The following SLU7 variants were observed in gnomAD, a reference collection of about 807,000 sequenced individuals.
SLU7 encodes the protein spliceosome associated SLU7.
A neutral mutation model predicts 87.0 loss-of-function variants in SLU7; 60 were observed. The observed-to-expected ratio is 0.69, with a 90% CI of 0.56 to 0.86. The LOEUF is 0.86. SLU7 is among the 40% of genes least tolerant of loss of function. The probability of loss-of-function intolerance (pLI) is 0.00; values close to 1 mark genes in which losing one functional copy is unlikely to be tolerated. For synonymous variants in SLU7, 197 were observed against 222.0 expected, an observed-to-expected ratio of 0.89 and a Z score of 1.00; for missense variants, 507 against 686.6, an observed-to-expected ratio of 0.74 and a Z score of 2.92.
chr5:160,403,617 T>C (rs1764879602), intron 15 of SLU7, among the ~76,000 whole-genome samples, 153 bp from the exon 16 acceptor site: 1 of 152,250 alleles, frequency 6.6e-6, no homozygotes, highest in African/African-American at 2.4e-5. Context: ...CCTTCTACTG[T>C]CAAGCTACAA....
At position 160,413,966 on chromosome 5, in the gene SLU7, G is replaced by A. The variant is rs1765349063; in HGVS notation, c.338C>T (p.Thr113Ile). ...KRGVKENSII[T>I]KYRKGACENC... ...TTCACATGCTCCTTTGCGGTACTTA[G>A]TAATTATGGAATTCTATAAATATAT... Residue 113 changes from threonine (T) to isoleucine (I), a missense_variant, in exon 4 of 16, where the codon ACT (threonine) becomes ATT (isoleucine). Thr to Ile is a moderately conservative substitution (Grantham distance 89). Transcript: ENST00000297151. The A allele has an allele frequency of 6.3e-7, 1 of 1,575,252 alleles. No homozygotes were observed. The highest frequency in any genetic ancestry group is 1.2e-5 in the South Asian group (1 of 83,512).
At chr5:160,412,056 G>C (rs138737786) in intron 6 of SLU7, among the ~76,000 whole-genome samples, 391 of 152,254 alleles carry the variant, frequency 2.6e-3, no homozygotes, top group African/African-American at 9.0e-3. Context: ...GAACTACACA[G>C]CATTACACCA....
At position 160,418,170 on chromosome 5, in the gene SLU7, CACA is replaced by C. The variant is rs1414886572; in HGVS notation, c.-17+850_-17+852del. 3.3e-5 allele frequency among the ~76,000 whole-genome samples: 5 copies of C among 152,302 alleles called. No individual in the cohort carries two copies. The Middle Eastern group carries it at 0.01, about 311-fold the overall frequency. ...GGCCTAAATATACTGCGAAGAGAAG[CACA>C]ACAACGGTAAATTTAATCTTTATTA... On this transcript the variant is annotated intron_variant, in intron 1 of 15. Transcript: ENST00000297151.
intron 6 of SLU7, among the ~76,000 whole-genome samples, chr5:160,410,264 A>G (rs1415526926): frequency 6.6e-6 from 1 of 152,146 alleles, no homozygotes; most frequent in Non-Finnish European, 1.5e-5. Context: ...TCCACTTAAT[A>G]TGTGTTACTT....
At position 160,403,360 on chromosome 5, in the gene SLU7, A is replaced by G. The variant is rs1251109062; in HGVS notation, c.1686T>C (p.Thr562=). Residue 562 remains threonine (T), a synonymous_variant, in exon 16 of 16, where the codon ACT becomes ACC. Coordinates refer to ENST00000297151, the MANE Select transcript of SLU7 (RefSeq NM_006425.5). ...TTCTATATGCCTCCATTTCCTCTTC[A>G]GTAGGTTCTCGAGTTTCATACATGC... ...YNSMYETREP[T]EEEMEAYRMK... 1 of 1,613,508 alleles carries G rather than the reference A, an allele frequency of 6.2e-7. No individual in the cohort carries two copies. The highest frequency in any genetic ancestry group is 8.5e-7 in the Non-Finnish European group (1 of 1,179,850).
Position 160,414,349 on chromosome 5 carries a change from A to G in SLU7, c.294T>C (p.Ser98=), listed in dbSNP as rs1286112630. The change falls in exon 3 of 16, where the codon TCT becomes TCC. Residue 98 remains serine, a synonymous_variant. Transcript: ENST00000297151. The part of the protein sequence containing the change: ...QPEKQKQFSS[S]GEWYKRGVKE... ...TTACACCCCTCTTGTACCATTCTCC[A>G]GATGAGCTGAACTGCTTTTGTTTTT... is the stretch of plus-strand genomic sequence containing the variant. 1 of 1,611,174 alleles carries G rather than the reference A, an allele frequency of 6.2e-7. No individual in the cohort carries two copies. Among genetic ancestry groups the G allele is most frequent in the East Asian group, 2.2e-5 (1 of 44,714 alleles).
chr5:160,413,778 T>C, intron 4 of SLU7, 121 bp downstream of exon 4: 1 of 945,046 alleles, frequency 1.1e-6, no homozygotes, highest in Non-Finnish European at 1.6e-6. Context: ...CCACTGAAAC[T>C]AATTTTTATT....
chr5:160,414,499 ATTTAAGGAT>A, intron 2 of SLU7, 27 bp from the exon 3 acceptor site: 2 of 1,368,564 alleles, frequency 1.5e-6, no homozygotes, highest in Non-Finnish European at 2.0e-6. Flanking sequence ...AAAAAAAAAA[ATTTAAGGAT>A]AAAATTGGAA....
Position 160,403,267 on chromosome 5 carries a change from T to C in SLU7, c.*18A>G, listed in dbSNP as rs201954751. 5.4e-4 allele frequency: 843 copies of C among 1,559,066 alleles called. 3 individuals are homozygous for C. The highest frequency in any genetic ancestry group is 6.8e-4 in the Non-Finnish European group (782 of 1,152,302). ...ATGTATCAGCTGCATCTATCTTGGA[T>C]GGTCTTCTGACTAGTTGCTACTGTC... On this transcript the variant is annotated 3_prime_UTR_variant, in exon 16 of 16. Coordinates refer to ENST00000297151, the MANE Select transcript of SLU7 (RefSeq NM_006425.5).
At chr5:160,416,184 G>A (rs1253000494) in intron 1 of SLU7, among the ~76,000 whole-genome samples, 2 of 152,106 alleles carry the variant, frequency 1.3e-5, no homozygotes, top group African/African-American at 4.8e-5. Context: ...GTGAGCCACT[G>A]TGCCTGGCCC....
chr5:160,406,333 C>A (rs957809194), intron 12 of SLU7, 135 bp downstream of exon 12: 62 of 673,722 alleles, frequency 9.2e-5, no homozygotes, highest in Non-Finnish European at 1.3e-4. Context: ...GAAAAAATTC[C>A]ATGAAACAGT....
rs1764834928 is a variant in SLU7, at chr5:160,402,791, G to C, written c.*494C>G. On this transcript the variant is annotated 3_prime_UTR_variant, in exon 16 of 16. Coordinates refer to ENST00000297151, the MANE Select transcript of SLU7 (RefSeq NM_006425.5). ...TCAGCACTTTGGGAGGCTGAGGCGG[G>C]TGGATCACAAGGTCAGGAGATCGAG... 1.3e-5 allele frequency: 2 copies of C among 152,194 alleles called. No individual in the cohort carries two copies. Among genetic ancestry groups the C allele is most frequent in the South Asian group, 4.1e-4 (2 of 4,826 alleles). The allele number at this position is 152,194 out of a possible 1,614,324, so 9.4% of individuals were successfully genotyped here. A position where few individuals can be genotyped will look rare whatever the true frequency, so the allele number is the denominator to read the frequency against.
chr5:160,413,621 C>A lies in SLU7; in HGVS notation c.406-1G>T. On this transcript the variant is annotated splice_acceptor_variant, in intron 4 of 15. Coordinates refer to ENST00000297151, the MANE Select transcript of SLU7 (RefSeq NM_006425.5). LOFTEE classifies it high-confidence loss of function. ...ATTTGGCTCCAACTCGCCTAGGTCT[C>A]TAAAAACAGAGTAAGATTTAATCTT... The A allele has an allele frequency of 6.2e-7, 1 of 1,605,262 alleles. No individual in the cohort carries two copies. The highest frequency in any genetic ancestry group is 2.2e-5 in the East Asian group (1 of 44,846).
At position 160,406,747 on chromosome 5, in the gene SLU7, T is replaced by A. The variant is rs574474785; in HGVS notation, c.1126-118A>T. 2.1e-3 allele frequency: 1,845 copies of A among 872,724 alleles called. 6 individuals carry two copies. Among genetic ancestry groups the A allele is most frequent in the Non-Finnish European group, 2.8e-3 (1,629 of 592,342 alleles). The allele number at this position is 872,724 out of a possible 1,614,324, so 54.1% of individuals were successfully genotyped here. On this transcript the variant is annotated intron_variant, in intron 11 of 15. Coordinates refer to ENST00000297151, the MANE Select transcript of SLU7 (RefSeq NM_006425.5). ...GAACATTCTTTACTGGGTTTTGTTA[T>A]AGAAAGCACAGTAGGAAAAAAAAAG...
At position 160,407,681 on chromosome 5, in the gene SLU7, C is replaced by A; in HGVS notation, c.985+65G>T. The A allele has an allele frequency of 6.2e-7, 1 of 1,602,756 alleles. No homozygotes were observed. The highest frequency in any genetic ancestry group is 8.5e-7 in the Non-Finnish European group (1 of 1,175,124). On this transcript the variant is annotated intron_variant, in intron 10 of 15. Transcript: ENST00000297151. The surrounding 1 kb of genome is among the most constrained non-coding windows in gnomAD (Gnocchi z 4.2). ...TTACTGTATGCTTCTTGAAAACAAG[C>A]TTTAAACAATCCCAAACGTCTTATG...
In SLU7 at chr5:160,406,323, G is replaced by GA. The variant is rs1312680635; in HGVS notation, c.1287+144dup. The GA allele has an allele frequency of 4.8e-6, 3 of 626,046 alleles. No individual in the cohort carries two copies. In the African/African-American group the frequency reaches 5.9e-5, roughly 12 times the overall value. 38.8% of individuals were successfully genotyped at this position (626,046 alleles called of 1,614,324 possible). On this transcript the variant is annotated intron_variant, in intron 12 of 15. Coordinates refer to ENST00000297151, the MANE Select transcript of SLU7 (RefSeq NM_006425.5). Reference sequence around the variant, plus strand: ...ATTCCTTCAAAATTTTTCTATTTTTGAAAAAATTCCATGAAACAGTTAAAA... The same window carrying GA: ...ATTCCTTCAAAATTTTTCTATTTTTGAAAAAAATTCCATGAAACAGTTAAAA...
At chr5:160,404,605 C>T in intron 14 of SLU7, 49 bp from the exon 15 acceptor site, 1 of 1,301,860 alleles carries the variant, frequency 7.7e-7, no homozygotes, top group Non-Finnish European at 1.1e-6. Context: ...AAACAAAGCT[C>T]AGGTGCACTA....
intron 15 of SLU7, among the ~76,000 whole-genome samples, 174 bp from the exon 16 acceptor site, chr5:160,403,638 T>C (rs1235995031): frequency 6.6e-6 from 1 of 152,226 alleles, no homozygotes; most frequent in Non-Finnish European, 1.5e-5. Flanking sequence ...CTAATCACTA[T>C]TTGGCTTATA....
In SLU7 at chr5:160,413,633, T is replaced by TA. The variant is rs547460878; in HGVS notation, c.406-14dup. The TA allele has an allele frequency of 6.2e-7, 1 of 1,600,300 alleles. No homozygotes were observed. Among genetic ancestry groups the TA allele is most frequent in the Non-Finnish European group, 8.5e-7 (1 of 1,175,194 alleles). On this transcript the variant is annotated splice_polypyrimidine_tract_variant and intron_variant, in intron 4 of 15. Coordinates refer to ENST00000297151, the MANE Select transcript of SLU7 (RefSeq NM_006425.5). ...CTCGCCTAGGTCTCTAAAAACAGAGTAAGATTTAATCTTTTCCTAAGTTTT... is the reference window on the plus strand; with the variant it reads ...CTCGCCTAGGTCTCTAAAAACAGAGTAAAGATTTAATCTTTTCCTAAGTTTT...
Sources: allele counts gnomAD v4.1 joint callset (sites outside exome capture counted in the v4.1 genomes callset), GRCh38; gene constraint gnomAD v4.1.1; non-coding constraint Gnocchi (gnomAD v3.1); transcripts MANE v1.5; gene names NCBI Gene and HGNC (gene_info 2026-07-23, HGNC 2026-07-21).